The following BCAS1 variants were observed in gnomAD, a reference collection of about 807,000 sequenced individuals.
BCAS1 encodes breast carcinoma-amplified sequence 1.
Under a neutral mutation model 65.4 loss-of-function variants are expected in BCAS1, and 46 were observed. That is an observed-to-expected ratio of 0.70 (90% confidence interval 0.55 to 0.90). The LOEUF is 0.90. Ranked by LOEUF, BCAS1 falls within the 40% of genes least tolerant of loss-of-function variation. The pLI, the probability that BCAS1 is intolerant of heterozygous loss-of-function variation, is 0.00. For missense variants in BCAS1, 793 were observed against 771.2 expected, an observed-to-expected ratio of 1.03 and a Z score of -0.33; for synonymous variants, 298 against 293.5, an observed-to-expected ratio of 1.02 and a Z score of -0.16.
intron 12 of BCAS1, among the ~76,000 whole-genome samples, chr20:53,953,145 T>C (rs1033283713): frequency 6.6e-6 from 1 of 152,202 alleles, no homozygotes; most frequent in African/African-American, 2.4e-5. Context: ...GCTAGGTGAC[T>C]AGATGCAGTA....
intron 3 of BCAS1, among the ~76,000 whole-genome samples, chr20:54,045,930 T>C (rs2092095435): frequency 6.6e-6 from 1 of 152,108 alleles, no homozygotes; most frequent in South Asian, 2.1e-4. Flanking sequence ...GAGAAAAATA[T>C]GAAAGAAGAA....
rs749127534 is a variant in BCAS1 at position 53,944,422 on chromosome 20, C to T, written c.*500G>A. Reference sequence around the variant, plus strand: ...CTCCTGGGTACAAGCGGTTCTCGTGCGTTGGGCTCCCGAGTAGCTGGGACT... The same window carrying T: ...CTCCTGGGTACAAGCGGTTCTCGTGTGTTGGGCTCCCGAGTAGCTGGGACT... On this transcript the variant is annotated 3_prime_UTR_variant, in exon 13 of 13. Coordinates refer to ENST00000688948, the MANE Select transcript of BCAS1 (RefSeq NM_001366298.2). 5 of 155,726 alleles carry T rather than the reference C, an allele frequency of 3.2e-5. No homozygotes were observed. Among genetic ancestry groups the T allele is most frequent in the Admixed American group, 6.3e-5 (1 of 15,832 alleles). 9.6% of individuals were successfully genotyped at this position (155,726 alleles called of 1,614,324 possible). A position where few individuals can be genotyped will look rare whatever the true frequency, so the allele number is the denominator to read the frequency against.
At position 53,973,692 on chromosome 20, in the gene BCAS1, T is replaced by C. The variant is rs183504878; in HGVS notation, c.1317+1697A>G. Among the ~76,000 whole-genome samples, 25 of 152,264 alleles carry C rather than the reference T, an allele frequency of 1.6e-4. No homozygotes were observed. In the East Asian group the frequency reaches 4.6e-3, roughly 28 times the overall value. On this transcript the variant is annotated intron_variant, in intron 9 of 12. Transcript: ENST00000688948. Reference sequence around the variant, plus strand: ...AGTCTTGTGGAGTCCTCCTTGTAGGTTGCGGGAATAGAAACTTTGACTTTC... The same window carrying C: ...AGTCTTGTGGAGTCCTCCTTGTAGGCTGCGGGAATAGAAACTTTGACTTTC...
chr20:53,995,128 A>C, intron 5 of BCAS1, 72 bp from the exon 6 acceptor site: 1 of 1,356,920 alleles, frequency 7.4e-7, no homozygotes, highest in Non-Finnish European at 1.1e-6. Context: ...ATAGATAAAT[A>C]ACTCTTTAGG....
At chr20:54,060,929 A>G (rs762571082) in intron 1 of BCAS1, among the ~76,000 whole-genome samples, 1 of 152,206 alleles carries the variant, frequency 6.6e-6, no homozygotes, top group Non-Finnish European at 1.5e-5. Flanking sequence ...TCTCTCACAT[A>G]TGAGGCACAG....
chr20:53,966,994 C>G lies in BCAS1; in HGVS notation c.1397G>C (p.Gly466Ala). ...TTCTGTGGGTTCAGGTGCAGCATCTCCTTCGTTGAGGTCCACTGTTTGTAA... is the reference window on the plus strand; with the variant it reads ...TTCTGTGGGTTCAGGTGCAGCATCTGCTTCGTTGAGGTCCACTGTTTGTAA... ...SALQTVDLNE[G>A]DAAPEPTEAK... The change falls in exon 10 of 13, where the codon GGA becomes GCA. Residue 466 changes from glycine to alanine, a missense_variant. Transcript: ENST00000688948. The G allele has an allele frequency of 6.2e-7, 1 of 1,613,328 alleles. No individual in the cohort carries two copies. Among genetic ancestry groups the G allele is most frequent in the Non-Finnish European group, 8.5e-7 (1 of 1,179,672 alleles).
At chr20:53,958,595 T>C (rs2089776671) in intron 10 of BCAS1, among the ~76,000 whole-genome samples, 1 of 152,232 alleles carries the variant, frequency 6.6e-6, no homozygotes, top group African/African-American at 2.4e-5. Flanking sequence ...TGATTAATAT[T>C]ATGTATCTTT....
intron 4 of BCAS1, among the ~76,000 whole-genome samples, chr20:54,009,555 T>G (rs535418108): frequency 1.3e-5 from 2 of 152,146 alleles, no homozygotes; most frequent in Admixed American, 1.3e-4. Flanking sequence ...CATATAACTA[T>G]TAAGAAAATT....
At chr20:53,996,420 T>A (rs998081612) in intron 4 of BCAS1, among the ~76,000 whole-genome samples, 1 of 138,560 alleles carries the variant, frequency 7.2e-6, no homozygotes, top group East Asian at 2.1e-4. Flanking sequence ...TCCCCAGAGA[T>A]GGCGTTTCCC....
intron 1 of BCAS1, among the ~76,000 whole-genome samples, chr20:54,059,009 A>G (rs1371508013): frequency 6.6e-6 from 1 of 152,230 alleles, no homozygotes. Flanking sequence ...ACAGGACACC[A>G]GAAGAATGAG....
intron 8 of BCAS1, among the ~76,000 whole-genome samples, chr20:53,984,828 AGG>A (rs1472502455): frequency 6.6e-6 from 1 of 152,130 alleles, no homozygotes; most frequent in African/African-American, 2.4e-5. Flanking sequence ...TGGACACCCT[AGG>A]TTTCTAAAAG....
chr20:54,055,541 G>A lies in BCAS1; in HGVS notation c.142+2544C>T, dbSNP rs143769490. On this transcript the variant is annotated intron_variant, in intron 3 of 12. Transcript: ENST00000688948. ...CATGATTAAAATTATCTCCCACTGG[G>A]TCCCTCCCACAACACATGGGAATTA... 7.4e-3 allele frequency among the ~76,000 whole-genome samples: 1,123 copies of A among 152,190 alleles called. 5 individuals carry two copies. Among genetic ancestry groups the A allele is most frequent in the Non-Finnish European group, 0.011 (777 of 68,016 alleles).
chr20:54,049,191 A>C (rs1173089000), intron 3 of BCAS1, among the ~76,000 whole-genome samples: 1 of 152,216 alleles, frequency 6.6e-6, no homozygotes, highest in Non-Finnish European at 1.5e-5. Context: ...CAATCCAATA[A>C]AATGATTCCA....
rs112687438 is a variant in BCAS1 at position 54,005,627 on chromosome 20, T to C, written c.724-9577A>G. Among the ~76,000 whole-genome samples, 874 of 152,324 alleles carry C rather than the reference T, an allele frequency of 5.7e-3. 10 individuals are homozygous for C. The highest frequency in any genetic ancestry group is 0.017 in the African/African-American group (712 of 41,580). Reference sequence around the variant, plus strand: ...ACCCCGACCAATTACATTAGTCTTTTTGGAGGCGAGGCTCAGATGTCAATA... The same window carrying C: ...ACCCCGACCAATTACATTAGTCTTTCTGGAGGCGAGGCTCAGATGTCAATA... On this transcript the variant is annotated intron_variant, in intron 4 of 12. Coordinates refer to ENST00000688948, the MANE Select transcript of BCAS1 (RefSeq NM_001366298.2).
chr20:53,981,821 C>CGTGTGTGTGT (rs3831644), intron 8 of BCAS1, among the ~76,000 whole-genome samples: 2 of 150,160 alleles, frequency 1.3e-5, no homozygotes, highest in African/African-American at 2.4e-5. Context: ...CATGTGCGTG[C>CGTGTGTGTGT]GTGTGTGTGT....
At chr20:54,030,045 C>A (rs2146112627) in intron 3 of BCAS1, among the ~76,000 whole-genome samples, 1 of 152,340 alleles carries the variant, frequency 6.6e-6, no homozygotes, top group South Asian at 2.1e-4. Context: ...CTGGTCAAGA[C>A]TGTGTGTGTG....
At chr20:54,037,576 ATTAT>A (rs1422189462) in intron 3 of BCAS1, among the ~76,000 whole-genome samples, 1 of 151,542 alleles carries the variant, frequency 6.6e-6, no homozygotes, top group African/African-American at 2.4e-5. Context: ...TTGTTTATTT[ATTAT>A]TTATTTATTT....
chr20:53,975,944 G>A (rs990155473), intron 8 of BCAS1, among the ~76,000 whole-genome samples: 1 of 152,254 alleles, frequency 6.6e-6, no homozygotes, highest in South Asian at 2.1e-4. Flanking sequence ...ATAGCACAGG[G>A]GCCAGCAGCA....
intron 3 of BCAS1, among the ~76,000 whole-genome samples, chr20:54,052,685 C>T (rs1422491998): frequency 1.3e-5 from 2 of 152,170 alleles, no homozygotes; most frequent in Non-Finnish European, 2.9e-5. Flanking sequence ...CATTCCTCCC[C>T]TCTGGTGGGC....
Sources: allele counts gnomAD v4.1 joint callset (sites outside exome capture counted in the v4.1 genomes callset), GRCh38; gene constraint gnomAD v4.1.1; transcripts MANE v1.5; gene names NCBI Gene and HGNC (gene_info 2026-07-23, HGNC 2026-07-21).